Variants in OSBPL3 observed in about 807,000 individuals in gnomAD.
OSBPL3 encodes the protein oxysterol binding protein like 3.
A neutral mutation model predicts 120.1 loss-of-function variants in OSBPL3; 65 were observed. The ratio of observed to expected loss-of-function variants is 0.54; its 90% CI spans 0.44 to 0.67. The LOEUF is 0.67. Among genes scored for constraint, OSBPL3 ranks in the 30% least tolerant of loss-of-function variants. The pLI is 0.00. For missense variants in OSBPL3, 1,004 were observed against 1,082.1 expected, an observed-to-expected ratio of 0.93 and a Z score of 1.01; for synonymous variants, 416 against 402.6, an observed-to-expected ratio of 1.03 and a Z score of -0.40.
At chr7:24,969,204 T>A (rs1439890570) in intron 1 of OSBPL3, among the ~76,000 whole-genome samples, 1 of 152,266 alleles carries the variant, frequency 6.6e-6, no homozygotes, top group African/African-American at 2.4e-5. Context: ...AAAAATAGCA[T>A]CTCAATGAAG....
chr7:24,856,093 T>C (rs1021497681), intron 10 of OSBPL3, among the ~76,000 whole-genome samples: 5 of 152,236 alleles, frequency 3.3e-5, no homozygotes, highest in Non-Finnish European at 5.9e-5. Flanking sequence ...TCCTCTTTCA[T>C]TGAGTGTTCA....
At chr7:24,846,637 C>T (rs1798479581) in intron 12 of OSBPL3, among the ~76,000 whole-genome samples, 1 of 152,102 alleles carries the variant, frequency 6.6e-6, no homozygotes, top group African/African-American at 2.4e-5. Flanking sequence ...AATATTAAAT[C>T]TTCACATTCA....
At position 24,894,092 on chromosome 7, in the gene OSBPL3, G is replaced by T. The variant is rs1370871475; in HGVS notation, c.-149-1471C>A. On this transcript the variant is annotated intron_variant, in intron 1 of 22. Transcript: ENST00000313367. This position sits in a 1 kb window ranked among gnomAD's most constrained non-coding sequence, Gnocchi z 4.1. ...GTCTAGGAACCAGCTAGTTAACTAT[G>T]ATATCAAACCTGGCTAATTATCATA... Among the ~76,000 whole-genome samples, 9 of 152,000 alleles carry T rather than the reference G, an allele frequency of 5.9e-5. No individual in the cohort carries two copies. In the East Asian group the frequency reaches 1.7e-3, roughly 29 times the overall value.
intron 12 of OSBPL3, among the ~76,000 whole-genome samples, chr7:24,843,446 C>T (rs1443113958): frequency 1.3e-5 from 2 of 152,106 alleles, no homozygotes; most frequent in African/African-American, 4.8e-5. Context: ...CCACATCATC[C>T]AGAATAATTT....
chr7:24,920,805 T>C (rs1238173033), intron 1 of OSBPL3, among the ~76,000 whole-genome samples: 1 of 152,102 alleles, frequency 6.6e-6, no homozygotes, highest in Non-Finnish European at 1.5e-5. Flanking sequence ...TACCATCTAG[T>C]GAACTCATGG....
At chr7:24,800,969 G>A (rs1036834241) in intron 22 of OSBPL3, among the ~76,000 whole-genome samples, 3 of 150,252 alleles carry the variant, frequency 2.0e-5, no homozygotes, top group Non-Finnish European at 4.4e-5. Context: ...GAGGCCGGGT[G>A]TGGTGGCTCA....
In OSBPL3 at chr7:24,892,498, A is replaced by G; in HGVS notation, c.-26T>C. 1 of 1,606,668 alleles carries G rather than the reference A, an allele frequency of 6.2e-7. No individual in the cohort carries two copies. Among genetic ancestry groups the G allele is most frequent in the Non-Finnish European group, 8.5e-7 (1 of 1,174,446 alleles). ...GGACAGCAAGTCACTTGGCCTCGAG[A>G]CAATCAAAATGCCATCAGATGACAA... On this transcript the variant is annotated 5_prime_UTR_variant, in exon 2 of 23. Coordinates refer to ENST00000313367, the MANE Select transcript of OSBPL3 (RefSeq NM_015550.4).
intron 16 of OSBPL3, among the ~76,000 whole-genome samples, chr7:24,829,936 C>T (rs1217678890): frequency 6.6e-6 from 1 of 152,144 alleles, no homozygotes; most frequent in Admixed American, 6.5e-5. Flanking sequence ...GTCTCAGATG[C>T]TGCTCCAAGT....
rs762639640 is a variant in OSBPL3, at chr7:24,872,001, T to C, written c.165A>G (p.Lys55=). Residue 55 remains lysine, a synonymous_variant, in exon 3 of 23, where the codon AAA becomes AAG. Coordinates refer to ENST00000313367, the MANE Select transcript of OSBPL3 (RefSeq NM_015550.4). The surrounding 1 kb of genome is among the most constrained non-coding windows in gnomAD (Gnocchi z 4.1). ...ACTTCCTCTTTTTCAGCAAAAATCC[T>C]TTCTGAACTGGTGGCTCCTGGGTGT... ...MNYTQEPPVQ[K]GFLLKKRKWP... 3 of 1,613,962 alleles carry C rather than the reference T, an allele frequency of 1.9e-6. No individual in the cohort carries two copies. Among genetic ancestry groups the C allele is most frequent in the Non-Finnish European group, 1.7e-6 (2 of 1,179,932 alleles).
In OSBPL3 at chr7:24,819,091, A is replaced by G. The variant is rs1465598980; in HGVS notation, c.1948+1084T>C. Among the ~76,000 whole-genome samples the G allele has an allele frequency of 6.6e-6, 1 of 152,032 alleles. No homozygotes were observed. Among genetic ancestry groups the G allele is most frequent in the Admixed American group, 6.6e-5 (1 of 15,266 alleles). On this transcript the variant is annotated intron_variant, in intron 17 of 22. Coordinates refer to ENST00000313367, the MANE Select transcript of OSBPL3 (RefSeq NM_015550.4). This position sits in a 1 kb window ranked among gnomAD's most constrained non-coding sequence, Gnocchi z 4.1. ...AACATGGTGAAACCCCATCTCTACT[A>G]AAAATACAAAAATTAGCTGGGCATA... is the stretch of plus-strand genomic sequence containing the variant.
chr7:24,860,043 G>A (rs188535517), intron 10 of OSBPL3, among the ~76,000 whole-genome samples: 5 of 152,188 alleles, frequency 3.3e-5, no homozygotes, highest in South Asian at 2.1e-4. Context: ...ATATAAAAAC[G>A]TGGGAGTTGA....
In OSBPL3 at chr7:24,980,175, T is replaced by A. The variant is rs761918406; in HGVS notation, c.-439A>T. The A allele has an allele frequency of 4.8e-4, 206 of 428,930 alleles. No individual in the cohort carries two copies. Among genetic ancestry groups the A allele is most frequent in the Admixed American group, 9.0e-4 (14 of 15,576 alleles). 26.6% of individuals were successfully genotyped at this position (428,930 alleles called of 1,614,324 possible). On this transcript the variant is annotated 5_prime_UTR_variant, in exon 1 of 23. Transcript: ENST00000313367. ...AGTTCTGAGTACTTTGCCCAGAACT[T>A]CTCGGCGCGCGCCGCCCGGCGATTA...
intron 1 of OSBPL3, among the ~76,000 whole-genome samples, chr7:24,908,435 G>GCCTCTATCTGGCCATCCATAATACTGAT (rs1185072535): frequency 2.6e-5 from 4 of 152,128 alleles, no homozygotes; most frequent in Non-Finnish European, 5.9e-5. Context: ...GCCCTCCATA[G>GCCTCTATCTGGCCATCCATAATACTGAT]CCTCTATCTG....
intron 19 of OSBPL3, among the ~76,000 whole-genome samples, chr7:24,812,369 C>G (rs1316094823): frequency 6.6e-6 from 1 of 151,300 alleles, no homozygotes; most frequent in Non-Finnish European, 1.5e-5. Context: ...ATATATCAAG[C>G]GAGTAGTGTG....
intron 1 of OSBPL3, among the ~76,000 whole-genome samples, chr7:24,895,762 G>C (rs577528507): frequency 6.6e-6 from 1 of 152,090 alleles, no homozygotes; most frequent in Non-Finnish European, 1.5e-5. Flanking sequence ...AATTCAAAGG[G>C]TTTATGGGTT....
At chr7:24,884,442 A>G (rs1414801141) in intron 2 of OSBPL3, among the ~76,000 whole-genome samples, 2 of 152,164 alleles carry the variant, frequency 1.3e-5, no homozygotes, top group East Asian at 3.9e-4. Context: ...AAAGGATATT[A>G]TGAGCTGTGA....
intron 1 of OSBPL3, among the ~76,000 whole-genome samples, chr7:24,957,966 G>A (rs1028258135): frequency 2.0e-5 from 3 of 152,174 alleles, no homozygotes; most frequent in African/African-American, 7.2e-5. Flanking sequence ...TAAGGAGGAA[G>A]CTCCCCCATT....
intron 12 of OSBPL3, among the ~76,000 whole-genome samples, chr7:24,845,384 TAAA>T (rs34559902): frequency 0.17 from 10,218 of 61,642 alleles, 297 homozygotes; most frequent in East Asian, 0.32. Context: ...GCAAAATAAG[TAAA>T]AAAAAAAAAA....
At chr7:24,905,609 A>T (rs1055891424) in intron 1 of OSBPL3, among the ~76,000 whole-genome samples, 1 of 152,212 alleles carries the variant, frequency 6.6e-6, no homozygotes, top group South Asian at 2.1e-4. Flanking sequence ...GAAGTGGAAT[A>T]AGCTCCGTAG....
Sources: gnomAD v4.1 joint callset for allele counts (sites outside exome capture counted in the v4.1 genomes callset) on GRCh38, gnomAD v4.1.1 for gene constraint, Gnocchi (gnomAD v3.1) non-coding constraint, MANE v1.5 for transcripts, NCBI Gene and HGNC (gene_info 2026-07-23, HGNC 2026-07-21) for gene names.